Variants in SPECC1 observed in about 807,000 individuals in gnomAD.
SPECC1 encodes sperm antigen with calponin homology and coiled-coil domains 1, also known as cytospin-B.
SPECC1 carries 62 observed loss-of-function variants against 104.1 expected under a neutral mutation model. The observed-to-expected ratio is 0.60, with a 90% CI of 0.49 to 0.74. SPECC1 has a LOEUF of 0.74. Ranked by LOEUF, SPECC1 falls within the 30% of genes least tolerant of loss-of-function variation. The pLI, the probability that SPECC1 is intolerant of heterozygous loss-of-function variation, is 0.00. For synonymous variants in SPECC1, 513 were observed against 501.6 expected (o/e 1.02, Z -0.30); for missense variants, 1,306 against 1,310.5 (o/e 1.00, Z 0.05).
intron 1 of SPECC1, among the ~76,000 whole-genome samples, chr17:20,072,497 T>G (rs961351722): frequency 6.6e-6 from 1 of 152,214 alleles, no homozygotes; most frequent in African/African-American, 2.4e-5. Context: ...AAGAGCAGGT[T>G]CAGTGCATTG....
chr17:20,309,815 C>CTTTTTTTTT (rs763244105), intron 14 of SPECC1, among the ~76,000 whole-genome samples: 2 of 103,398 alleles, frequency 1.9e-5, no homozygotes, highest in East Asian at 3.1e-4. Flanking sequence ...TTCTCCTTTT[C>CTTTTTTTTT]TTTTTTTTTT....
At chr17:20,071,425 A>G (rs1381912376) in intron 1 of SPECC1, among the ~76,000 whole-genome samples, 1 of 152,100 alleles carries the variant, frequency 6.6e-6, no homozygotes, top group Non-Finnish European at 1.5e-5. Context: ...TTAGAGAAGA[A>G]TCAAGTTACT....
intron 1 of SPECC1, among the ~76,000 whole-genome samples, chr17:20,048,381 C>T (rs1430212140): frequency 1.3e-5 from 2 of 152,006 alleles, no homozygotes; most frequent in African/African-American, 4.8e-5. Context: ...GATCTGTCCG[C>T]CTCGGCCTCC....
intron 1 of SPECC1, among the ~76,000 whole-genome samples, chr17:20,077,431 C>G (rs2046801352): frequency 6.6e-6 from 1 of 151,972 alleles, no homozygotes. Context: ...CATTATCGCA[C>G]TGTGATAGCT....
chr17:20,052,814 G>A (rs985356171), intron 1 of SPECC1, among the ~76,000 whole-genome samples: 8 of 152,190 alleles, frequency 5.3e-5, no homozygotes, highest in Non-Finnish European at 1.5e-5. Context: ...CAGTCTGCAT[G>A]TAGCAAAAAG....
chr17:20,164,973 T>A (rs1038983792), intron 3 of SPECC1, among the ~76,000 whole-genome samples: 6 of 152,372 alleles, frequency 3.9e-5, no homozygotes, highest in South Asian at 4.1e-4. Context: ...CTGGTTTTTT[T>A]ATACTTTCTG....
chr17:20,144,847 G>A lies in SPECC1; in HGVS notation c.283+34285G>A, dbSNP rs577526786. ...ATAATAGAGGTGTCACACGCTAGGA[G>A]GATGGATCACCTAATGAATCAGTGG... On this transcript the variant is annotated intron_variant, in intron 3 of 14. Coordinates refer to ENST00000395527, the MANE Select transcript of SPECC1 (RefSeq NM_001243439.2). 3.9e-5 allele frequency among the ~76,000 whole-genome samples: 6 copies of A among 152,308 alleles called. No individual in the cohort carries two copies. In the East Asian group the frequency reaches 1.2e-3, roughly 29 times the overall value.
intron 4 of SPECC1, among the ~76,000 whole-genome samples, chr17:20,218,374 C>A (rs2037642899): frequency 6.6e-6 from 1 of 151,942 alleles, no homozygotes; most frequent in Non-Finnish European, 1.5e-5. Context: ...GGGTTTAAAC[C>A]CTGGCGGTCT....
intron 2 of SPECC1, among the ~76,000 whole-genome samples, chr17:20,103,805 C>G (rs1014372864): frequency 6.6e-6 from 1 of 152,184 alleles, no homozygotes; most frequent in Non-Finnish European, 1.5e-5. Flanking sequence ...GCAGGATTCA[C>G]TGAAAGGCTG....
chr17:20,067,085 A>C (rs891733011), intron 1 of SPECC1: 1 of 151,918 alleles, frequency 6.6e-6, no homozygotes, highest in Admixed American at 6.6e-5. Context: ...AAACTGTTAC[A>C]TGTTCATAGT....
At chr17:20,298,948 AGTGT>A (rs1555535565) in intron 13 of SPECC1, among the ~76,000 whole-genome samples, 2 of 49,068 alleles carry the variant, frequency 4.1e-5, no homozygotes, top group Non-Finnish European at 7.3e-5. Flanking sequence ...AGAGAGAGAG[AGTGT>A]GTGTGTGTGT....
intron 7 of SPECC1, among the ~76,000 whole-genome samples, chr17:20,240,325 T>G (rs2039145618): frequency 6.6e-6 from 1 of 152,052 alleles, no homozygotes; most frequent in African/African-American, 2.4e-5. Context: ...TGTTTTTTTC[T>G]CATCAGCTTA....
chr17:20,201,600 A>G (rs951446217), intron 3 of SPECC1, among the ~76,000 whole-genome samples: 5 of 152,260 alleles, frequency 3.3e-5, no homozygotes, highest in African/African-American at 1.2e-4. Context: ...GACTAGAGTT[A>G]TGGTGAAACT....
At chr17:20,156,622 G>A (rs918733564) in intron 3 of SPECC1, among the ~76,000 whole-genome samples, 10 of 152,024 alleles carry the variant, frequency 6.6e-5, no homozygotes, top group Admixed American at 3.9e-4. Flanking sequence ...TCGGCCGCCG[G>A]CCCCGCAGTT....
chr17:20,202,806 A>G (rs941727760), intron 3 of SPECC1, among the ~76,000 whole-genome samples: 9 of 152,190 alleles, frequency 5.9e-5, no homozygotes, highest in Non-Finnish European at 1.2e-4. Flanking sequence ...CTAACCTCCA[A>G]GTTGTTCAGG....
At position 20,022,998 on chromosome 17, in the gene SPECC1, G is replaced by A. The variant is rs114125147; in HGVS notation, c.-22+13574G>A. ...CATTCTTTTCAACCTTTTCTGGATC[G>A]GCTCATTCCTTTTTGCCAAAAAAAA... On this transcript the variant is annotated intron_variant, in intron 1 of 14. Coordinates refer to ENST00000395527, the MANE Select transcript of SPECC1 (RefSeq NM_001243439.2). Among the ~76,000 whole-genome samples, 434 of 152,152 alleles carry A rather than the reference G, an allele frequency of 2.9e-3. 4 individuals are homozygous for A. Among genetic ancestry groups the A allele is most frequent in the African/African-American group, 9.9e-3 (410 of 41,498 alleles).
At chr17:20,030,266 A>G (rs2044756977) in intron 1 of SPECC1, among the ~76,000 whole-genome samples, 1 of 152,170 alleles carries the variant, frequency 6.6e-6, no homozygotes, top group Non-Finnish European at 1.5e-5. Flanking sequence ...TTACCAGAAT[A>G]TACTTCATAT....
At chr17:20,040,262 GA>G (rs2152452783) in intron 1 of SPECC1, among the ~76,000 whole-genome samples, 1 of 152,122 alleles carries the variant, frequency 6.6e-6, no homozygotes, top group Admixed American at 6.6e-5. Flanking sequence ...ATGAGGTATA[GA>G]AACCTATACT....
chr17:20,144,167 TTTC>T (rs2031179080), intron 3 of SPECC1, among the ~76,000 whole-genome samples: 1 of 126,702 alleles, frequency 7.9e-6, no homozygotes, highest in African/African-American at 2.7e-5. Context: ...ATACTGTTTT[TTTC>T]TTTTCTTTTT....
Sources: gnomAD v4.1 joint callset for allele counts (sites outside exome capture counted in the v4.1 genomes callset) on GRCh38, gnomAD v4.1.1 for gene constraint, MANE v1.5 for transcripts, NCBI Gene and HGNC (gene_info 2026-07-23, HGNC 2026-07-21) for gene names.